The following SPOCK3 variants were observed in gnomAD, a reference collection of about 807,000 sequenced individuals.
SPOCK3 encodes SPARC (osteonectin), cwcv and kazal like domains proteoglycan 3.
In SPOCK3, 30 loss-of-function variants were observed where a neutral mutation model predicts 56.6. That is an observed-to-expected ratio of 0.53 (90% CI 0.40 to 0.72). The LOEUF (loss-of-function observed/expected upper bound fraction) is 0.72, where lower values mean the gene tolerates loss of function less well. Ranked by LOEUF, SPOCK3 falls within the 30% of genes least tolerant of loss-of-function variation. The pLI is 0.00. For synonymous variants in SPOCK3, 196 were observed against 183.3 expected, an observed-to-expected ratio of 1.07 and a Z score of -0.56; for missense variants, 527 against 530.0, an observed-to-expected ratio of 0.99 and a Z score of 0.06.
intron 5 of SPOCK3, among the ~76,000 whole-genome samples, chr4:166,893,646 T>C (rs1031332263): frequency 6.6e-6 from 1 of 152,122 alleles, no homozygotes; most frequent in East Asian, 1.9e-4. Context: ...AGAACAAGTA[T>C]GTAATCAGCA....
intron 6 of SPOCK3, among the ~76,000 whole-genome samples, chr4:166,816,883 G>T (rs1744434662): frequency 6.6e-6 from 1 of 151,988 alleles, no homozygotes; most frequent in South Asian, 2.1e-4. Flanking sequence ...CCAGTGCAAT[G>T]GGAGGGGTTT....
At chr4:167,092,353 T>C (rs1046325207) in intron 2 of SPOCK3, among the ~76,000 whole-genome samples, 1 of 152,178 alleles carries the variant, frequency 6.6e-6, no homozygotes, top group Non-Finnish European at 1.5e-5. Flanking sequence ...GGTTGTCTCC[T>C]GATTTCCTTC....
intron 3 of SPOCK3, among the ~76,000 whole-genome samples, chr4:167,025,222 T>C (rs1235608254): frequency 7.6e-6 from 1 of 131,132 alleles, no homozygotes; most frequent in South Asian, 2.3e-4. Context: ...CACTGAATGC[T>C]TTTTTTTTTT....
At chr4:167,165,503 G>A (rs2200399) in intron 2 of SPOCK3, among the ~76,000 whole-genome samples, 41,570 of 151,810 alleles carry the variant, frequency 0.27, 6,442 homozygotes, top group African/African-American at 0.43. Flanking sequence ...CAAAACCACA[G>A]TGAGATGCCA....
At position 166,734,513 on chromosome 4, in the gene SPOCK3, C is replaced by G. The variant is rs1734023605; in HGVS notation, c.*408G>C. Reference sequence around the variant, plus strand: ...AAAGCATGCATATTTTTCCTAAATCCTTAAGACCCAGGTCATTAAAAATTT... The same window carrying G: ...AAAGCATGCATATTTTTCCTAAATCGTTAAGACCCAGGTCATTAAAAATTT... On this transcript the variant is annotated 3_prime_UTR_variant, in exon 11 of 11. Coordinates refer to ENST00000357545, the MANE Select transcript of SPOCK3 (RefSeq NM_001040159.2). 1 of 154,266 alleles carries G rather than the reference C, an allele frequency of 6.5e-6. No homozygotes were observed. Among genetic ancestry groups the G allele is most frequent in the Admixed American group, 6.5e-5 (1 of 15,272 alleles). The allele number at this position is 154,266 out of a possible 1,614,324, so 9.6% of individuals were successfully genotyped here.
chr4:167,083,269 T>G (rs748495028), intron 2 of SPOCK3: 1 of 765,272 alleles, frequency 1.3e-6, no homozygotes. Flanking sequence ...CTAAGATTCC[T>G]CCAACCAAGC....
chr4:167,161,842 A>C (rs1391220948), intron 2 of SPOCK3, among the ~76,000 whole-genome samples: 1 of 143,134 alleles, frequency 7.0e-6, no homozygotes, highest in African/African-American at 2.5e-5. Context: ...TTGAACAATG[A>C]GAACACATGG....
intron 2 of SPOCK3, among the ~76,000 whole-genome samples, chr4:167,076,276 C>T (rs967520998): frequency 6.6e-6 from 1 of 151,626 alleles, no homozygotes; most frequent in African/African-American, 2.4e-5. Flanking sequence ...CAACAGTGAA[C>T]CATAATGTAA....
chr4:166,801,263 T>C (rs1328605291), intron 6 of SPOCK3, among the ~76,000 whole-genome samples: 1 of 152,178 alleles, frequency 6.6e-6, no homozygotes, highest in Non-Finnish European at 1.5e-5. Context: ...ATCATGTTAC[T>C]TTGTCCAAAT....
At chr4:166,866,602 C>T (rs922015618) in intron 6 of SPOCK3, among the ~76,000 whole-genome samples, 5 of 151,942 alleles carry the variant, frequency 3.3e-5, no homozygotes, top group Non-Finnish European at 7.4e-5. Context: ...GAAAATGACT[C>T]AATCAAAAAG....
At chr4:166,765,500 T>C (rs1288502686) in intron 7 of SPOCK3, among the ~76,000 whole-genome samples, 2 of 152,186 alleles carry the variant, frequency 1.3e-5, no homozygotes, top group Non-Finnish European at 1.5e-5. Flanking sequence ...TGGTTGTAGA[T>C]GTGTGGTATT....
In SPOCK3 at chr4:166,955,369, T is replaced by G. The variant is rs957236499; in HGVS notation, c.351-42626A>C. ...CTCAAAGTCCGTAACTACCACAGAT[T>G]AAACAGGGCTCTATGCATTTCAGCA... is the stretch of plus-strand genomic sequence containing the variant. On this transcript the variant is annotated intron_variant, in intron 4 of 10. Transcript: ENST00000357545. Among the ~76,000 whole-genome samples the G allele has an allele frequency of 7.6e-4, 115 of 150,554 alleles. 1 individual carries two copies. The highest frequency in any genetic ancestry group is 2.7e-3 in the African/African-American group (112 of 41,252).
At chr4:167,067,257 T>A (rs1009190286) in intron 2 of SPOCK3, among the ~76,000 whole-genome samples, 2 of 151,888 alleles carry the variant, frequency 1.3e-5, no homozygotes, top group African/African-American at 4.8e-5. Context: ...AAAAAAAGTT[T>A]ACAAAGCACC....
At chr4:167,171,101 C>T (rs1048263341) in intron 2 of SPOCK3, among the ~76,000 whole-genome samples, 1 of 152,206 alleles carries the variant, frequency 6.6e-6, no homozygotes, top group Admixed American at 6.5e-5. Context: ...AAGACTAAAG[C>T]ACCCAATCCC....
chr4:167,043,253 T>C (rs1242742826), intron 3 of SPOCK3, among the ~76,000 whole-genome samples: 2 of 152,098 alleles, frequency 1.3e-5, no homozygotes, highest in African/African-American at 4.8e-5. Flanking sequence ...TAAATGATAT[T>C]GCATTAATGT....
intron 4 of SPOCK3, among the ~76,000 whole-genome samples, chr4:166,921,404 T>C (rs900516461): frequency 1.3e-5 from 2 of 151,220 alleles, no homozygotes; most frequent in Non-Finnish European, 2.9e-5. Flanking sequence ...GCTCAACTTC[T>C]ACCTCCCGGG....
chr4:167,018,398 T>A (rs1750851132), intron 3 of SPOCK3, among the ~76,000 whole-genome samples: 1 of 152,082 alleles, frequency 6.6e-6, no homozygotes, highest in African/African-American at 2.4e-5. Flanking sequence ...TACTTTAGTT[T>A]TGGAATTCTG....
chr4:166,780,252 C>A (rs866753423), intron 7 of SPOCK3, among the ~76,000 whole-genome samples: 16 of 152,004 alleles, frequency 1.1e-4, no homozygotes, highest in African/African-American at 3.6e-4. Context: ...ATACCAAATA[C>A]CATGTAAGCT....
chr4:166,744,221 A>C (rs1421575524), intron 8 of SPOCK3, among the ~76,000 whole-genome samples: 5 of 152,102 alleles, frequency 3.3e-5, no homozygotes, highest in Non-Finnish European at 7.4e-5. Context: ...GCTGACTGAC[A>C]CCTCATACAG....
Sources: allele counts gnomAD v4.1 joint callset (sites outside exome capture counted in the v4.1 genomes callset), GRCh38; gene constraint gnomAD v4.1.1; transcripts MANE v1.5; gene names NCBI Gene and HGNC (gene_info 2026-07-23, HGNC 2026-07-21).